Variants in FRMD4A observed in about 807,000 individuals in gnomAD.
The protein encoded by FRMD4A is FERM domain containing 4A.
Under a neutral mutation model 129.1 loss-of-function variants are expected in FRMD4A, and 29 were observed. That is an observed-to-expected ratio of 0.22 (90% confidence interval 0.17 to 0.31). The LOEUF (loss-of-function observed/expected upper bound fraction) is 0.31. FRMD4A is among the 10% of genes least tolerant of loss of function. The pLI, the probability that FRMD4A is intolerant of heterozygous loss-of-function variation, is 1.00. For missense variants in FRMD4A, 1,272 were observed against 1,375.8 expected, an observed-to-expected ratio of 0.92 and a Z score of 1.19; for synonymous variants, 634 against 571.6, an observed-to-expected ratio of 1.11 and a Z score of -1.56.
chr10:14,043,703 C>T (rs144091806), intron 2 of FRMD4A, among the ~76,000 whole-genome samples: 92 of 152,354 alleles, frequency 6.0e-4, no homozygotes, highest in African/African-American at 2.1e-3. Flanking sequence ...CGCCATCCAT[C>T]AGCATTACAA....
At chr10:14,197,389 A>G (rs1045940013) in intron 2 of FRMD4A, among the ~76,000 whole-genome samples, 10 of 152,162 alleles carry the variant, frequency 6.6e-5, no homozygotes, top group African/African-American at 2.2e-4. Flanking sequence ...TTTATTTTTT[A>G]TATTTTACTT....
At chr10:14,160,760 G>T (rs1369487242) in intron 2 of FRMD4A, among the ~76,000 whole-genome samples, 3 of 152,082 alleles carry the variant, frequency 2.0e-5, no homozygotes, top group African/African-American at 7.2e-5. Flanking sequence ...AAAACAAATG[G>T]GAACACAAGC....
rs377624360 is a variant in FRMD4A, at chr10:13,688,707, CTTT to C, written c.1117+5188_1117+5190del. Among the ~76,000 whole-genome samples, 1,122 of 151,978 alleles carry C rather than the reference CTTT, an allele frequency of 7.4e-3. 21 individuals are homozygous for C. The East Asian group carries it at 0.077, about 10-fold the overall frequency. On this transcript the variant is annotated intron_variant, in intron 15 of 24. Coordinates refer to ENST00000357447, the MANE Select transcript of FRMD4A (RefSeq NM_018027.5). The stretch of plus-strand genomic sequence containing the variant: ...CATTGGTAGGTATGGATATTGACTT[CTTT>C]TTTATTTATTTACTTATTTTAGAGA...
At chr10:13,745,562 G>A (rs1278108297) in intron 9 of FRMD4A, among the ~76,000 whole-genome samples, 1 of 152,218 alleles carries the variant, frequency 6.6e-6, no homozygotes, top group Non-Finnish European at 1.5e-5. Flanking sequence ...GAGAGTGTGT[G>A]TGAAGGGCGA....
chr10:14,281,434 G>A (rs1845517654), intron 2 of FRMD4A, among the ~76,000 whole-genome samples: 1 of 152,236 alleles, frequency 6.6e-6, no homozygotes, highest in Non-Finnish European at 1.5e-5. Flanking sequence ...CAAGGCCTTG[G>A]AAGAAACCAA....
chr10:13,831,492 A>G (rs745620416), intron 3 of FRMD4A, among the ~76,000 whole-genome samples: 1 of 152,212 alleles, frequency 6.6e-6, no homozygotes, highest in Non-Finnish European at 1.5e-5. Context: ...TTAGGAAACA[A>G]GAAGGCTTTG....
chr10:14,046,701 G>A (rs138113183), intron 2 of FRMD4A, among the ~76,000 whole-genome samples: 43 of 152,100 alleles, frequency 2.8e-4, no homozygotes, highest in Non-Finnish European at 5.4e-4. Flanking sequence ...AACCCCTGAC[G>A]TGATGGTGCT....
intron 13 of FRMD4A, among the ~76,000 whole-genome samples, chr10:13,701,997 G>C (rs2086876362): frequency 6.6e-6 from 1 of 152,176 alleles, no homozygotes; most frequent in Non-Finnish European, 1.5e-5. Flanking sequence ...AGAGGGCAGG[G>C]AGGGTATAAA....
intron 2 of FRMD4A, among the ~76,000 whole-genome samples, chr10:14,207,865 TA>T (rs1163954498): frequency 6.6e-6 from 1 of 152,184 alleles, no homozygotes; most frequent in Non-Finnish European, 1.5e-5. Flanking sequence ...ATTACTTCTG[TA>T]ATCAGAAGAA....
chr10:14,179,650 A>C (rs1324410533), intron 2 of FRMD4A, among the ~76,000 whole-genome samples: 1 of 152,280 alleles, frequency 6.6e-6, no homozygotes, highest in African/African-American at 2.4e-5. Flanking sequence ...TCTAGGTAAG[A>C]GAAAACATTC....
At chr10:13,952,356 C>T (rs1370465501) in intron 2 of FRMD4A, among the ~76,000 whole-genome samples, 1 of 151,752 alleles carries the variant, frequency 6.6e-6, no homozygotes, top group Non-Finnish European at 1.5e-5. Flanking sequence ...TAAAAAGGAG[C>T]CAGGTGTGGT....
intron 12 of FRMD4A, among the ~76,000 whole-genome samples, chr10:13,731,575 G>A (rs982046772): frequency 6.6e-6 from 1 of 151,608 alleles, no homozygotes; most frequent in African/African-American, 2.4e-5. Flanking sequence ...CTTGAACCGG[G>A]GAGGTGGAGG....
chr10:13,853,558 G>A (rs2094168988), intron 3 of FRMD4A, among the ~76,000 whole-genome samples: 1 of 152,032 alleles, frequency 6.6e-6, no homozygotes, highest in African/African-American at 2.4e-5. Flanking sequence ...GGGGCCAGGT[G>A]TGGTGGTTCA....
At chr10:14,165,815 G>A (rs1841144311) in intron 2 of FRMD4A, among the ~76,000 whole-genome samples, 1 of 152,148 alleles carries the variant, frequency 6.6e-6, no homozygotes, top group South Asian at 2.1e-4. Context: ...AGTACTCATG[G>A]ACATAAAGAT....
intron 2 of FRMD4A, among the ~76,000 whole-genome samples, chr10:14,224,051 C>T (rs1022609633): frequency 2.0e-5 from 3 of 152,210 alleles, no homozygotes; most frequent in Non-Finnish European, 4.4e-5. Context: ...TTGTCCATTG[C>T]TCTGCTCAGG....
At chr10:14,323,707 A>ATTAC (rs1843154074) in intron 2 of FRMD4A, among the ~76,000 whole-genome samples, 1 of 152,160 alleles carries the variant, frequency 6.6e-6, no homozygotes, top group Non-Finnish European at 1.5e-5. Context: ...CAGCCAGTTG[A>ATTAC]TTACTTCCTT....
intron 12 of FRMD4A, among the ~76,000 whole-genome samples, chr10:13,734,226 G>C (rs10906457): frequency 0.4 from 61,103 of 151,922 alleles, 13,229 homozygotes; most frequent in African/African-American, 0.58. Context: ...TCTCCATCCT[G>C]AAGCCCCGCC....
intron 2 of FRMD4A, among the ~76,000 whole-genome samples, chr10:13,924,132 C>T (rs1378943635): frequency 6.6e-6 from 1 of 152,160 alleles, no homozygotes; most frequent in Non-Finnish European, 1.5e-5. Context: ...ATGTGCCCAT[C>T]TCATGGACAT....
chr10:14,035,879 C>T (rs974487535), intron 2 of FRMD4A, among the ~76,000 whole-genome samples: 1 of 151,864 alleles, frequency 6.6e-6, no homozygotes, highest in Non-Finnish European at 1.5e-5. Context: ...CATCTCAATG[C>T]CAAAATACAA....
Sources: allele counts gnomAD v4.1 joint callset (sites outside exome capture counted in the v4.1 genomes callset), GRCh38; gene constraint gnomAD v4.1.1; transcripts MANE v1.5; gene names NCBI Gene and HGNC (gene_info 2026-07-23, HGNC 2026-07-21).